The following CDH18 variants were observed in gnomAD, a reference collection of about 807,000 sequenced individuals.
CDH18 encodes cadherin 18.
Under a neutral mutation model 67.9 loss-of-function variants are expected in CDH18, and 31 were observed. The observed-to-expected ratio is 0.46, with a 90% confidence interval of 0.34 to 0.62. The LOEUF (loss-of-function observed/expected upper bound fraction) is 0.62, where lower values mean the gene tolerates loss of function less well. Ranked by LOEUF, CDH18 falls within the 20% of genes least tolerant of loss-of-function variation. The probability of loss-of-function intolerance (pLI) is 0.01; values close to 1 mark genes in which losing one functional copy is unlikely to be tolerated. For synonymous variants in CDH18, 362 were observed against 347.2 expected, an observed-to-expected ratio of 1.04 and a Z score of -0.48; for missense variants, 890 against 975.5, an observed-to-expected ratio of 0.91 and a Z score of 1.17.
chr5:20,144,662 T>C (rs556091472), intron 2 of CDH18, among the ~76,000 whole-genome samples: 8 of 152,108 alleles, frequency 5.3e-5, no homozygotes, highest in Non-Finnish European at 1.2e-4. Context: ...AGGGCATAAA[T>C]TGGGGGGAGT....
chr5:20,341,541 G>A (rs923113770), intron 1 of CDH18, among the ~76,000 whole-genome samples: 1 of 57,144 alleles, frequency 1.7e-5, no homozygotes, highest in Non-Finnish European at 3.6e-5. Context: ...ATATATTAGA[G>A]GGCATATATA....
At chr5:19,712,798 T>C (rs1192812212) in intron 5 of CDH18, among the ~76,000 whole-genome samples, 1 of 151,594 alleles carries the variant, frequency 6.6e-6, no homozygotes, top group African/African-American at 2.4e-5. Flanking sequence ...ATTCTAGTGC[T>C]TTCTAGATTT....
intron 2 of CDH18, among the ~76,000 whole-genome samples, chr5:20,249,293 C>A (rs558898349): frequency 6.6e-6 from 1 of 150,466 alleles, no homozygotes; most frequent in African/African-American, 2.4e-5. Context: ...ACATTCATTT[C>A]TTTTAAATAA....
At chr5:19,963,042 A>G (rs1422464780) in intron 2 of CDH18, among the ~76,000 whole-genome samples, 3 of 152,056 alleles carry the variant, frequency 2.0e-5, no homozygotes, top group Non-Finnish European at 4.4e-5. Flanking sequence ...TTGATCCATA[A>G]TCATTGCTAA....
At chr5:19,831,217 T>C (rs964643223) in intron 3 of CDH18, among the ~76,000 whole-genome samples, 1 of 152,060 alleles carries the variant, frequency 6.6e-6, no homozygotes, top group Admixed American at 6.6e-5. Context: ...GGCAAATAAT[T>C]TATGGCTAAG....
intron 1 of CDH18, among the ~76,000 whole-genome samples, chr5:20,515,526 C>T (rs1483379359): frequency 1.3e-5 from 2 of 151,966 alleles, no homozygotes; most frequent in Non-Finnish European, 2.9e-5. Flanking sequence ...CCTAGATACG[C>T]ATTTGTCTGC....
intron 1 of CDH18, among the ~76,000 whole-genome samples, chr5:20,417,558 C>G (rs1747417941): frequency 6.6e-6 from 1 of 152,058 alleles, no homozygotes; most frequent in South Asian, 2.1e-4. Flanking sequence ...TTTTGGTGTT[C>G]AAGTGTATGT....
intron 2 of CDH18, among the ~76,000 whole-genome samples, chr5:19,962,863 C>A: frequency 6.6e-6 from 1 of 152,092 alleles, no homozygotes; most frequent in Admixed American, 6.6e-5. Flanking sequence ...ATGCATAATT[C>A]ATTTAAGATG....
intron 2 of CDH18, among the ~76,000 whole-genome samples, chr5:20,181,329 T>C (rs1010032316): frequency 6.6e-6 from 1 of 152,102 alleles, no homozygotes; most frequent in East Asian, 1.9e-4. Flanking sequence ...TTAAAAGAAC[T>C]CCTCTTGGCA....
chr5:19,678,164 A>G (rs1278937655), intron 5 of CDH18, among the ~76,000 whole-genome samples: 1 of 151,782 alleles, frequency 6.6e-6, no homozygotes, highest in East Asian at 1.9e-4. Context: ...CCAAAACCAC[A>G]GAATATATAT....
intron 1 of CDH18, among the ~76,000 whole-genome samples, chr5:20,268,524 C>T (rs1394402727): frequency 6.6e-6 from 1 of 152,032 alleles, no homozygotes; most frequent in Non-Finnish European, 1.5e-5. Flanking sequence ...CCGCTTGAGC[C>T]CAGGAATTTG....
At chr5:19,739,017 C>T (rs936259013) in intron 4 of CDH18, among the ~76,000 whole-genome samples, 1 of 151,868 alleles carries the variant, frequency 6.6e-6, no homozygotes, top group Non-Finnish European at 1.5e-5. Flanking sequence ...GTTTATTGGG[C>T]CTTTCTTTAA....
intron 2 of CDH18, among the ~76,000 whole-genome samples, chr5:19,870,013 A>C (rs1786056367): frequency 6.6e-6 from 1 of 152,160 alleles, no homozygotes; most frequent in Non-Finnish European, 1.5e-5. Flanking sequence ...TTCTACCATT[A>C]AGCTCCAGTA....
chr5:19,577,253 A>C (rs1742471635), intron 7 of CDH18, among the ~76,000 whole-genome samples: 1 of 152,202 alleles, frequency 6.6e-6, no homozygotes, highest in Non-Finnish European at 1.5e-5. Flanking sequence ...AAATGTTCTC[A>C]CCACATGTAA....
At chr5:19,755,445 A>ATATATATATC (rs1312885757) in intron 3 of CDH18, among the ~76,000 whole-genome samples, 1 of 11,402 alleles carries the variant, frequency 8.8e-5, no homozygotes, top group African/African-American at 1.0e-4. Flanking sequence ...ATATATATAT[A>ATATATATATC]TATATATATA....
chr5:19,956,653 T>G (rs922886253), intron 2 of CDH18, among the ~76,000 whole-genome samples: 3 of 149,844 alleles, frequency 2.0e-5, no homozygotes, highest in Admixed American at 1.3e-4. Flanking sequence ...TAACAATATA[T>G]CTAACAAGTC....
intron 1 of CDH18, among the ~76,000 whole-genome samples, chr5:20,316,361 T>C (rs545117927): frequency 1.3e-5 from 2 of 152,214 alleles, no homozygotes; most frequent in East Asian, 3.9e-4. Flanking sequence ...TATTATCACA[T>C]AATATTTAAG....
At chr5:19,481,898 G>A (rs1347402128) in intron 12 of CDH18, among the ~76,000 whole-genome samples, 1 of 152,140 alleles carries the variant, frequency 6.6e-6, no homozygotes, top group East Asian at 1.9e-4. Context: ...GTCCCCACTT[G>A]ATGAAGCAGA....
chr5:20,211,504 C>T (rs1740352103), intron 2 of CDH18, among the ~76,000 whole-genome samples: 1 of 152,160 alleles, frequency 6.6e-6, no homozygotes, highest in South Asian at 2.1e-4. Flanking sequence ...TAGAGGCCAA[C>T]TGACACCTCA....
Sources: allele counts gnomAD v4.1 joint callset (sites outside exome capture counted in the v4.1 genomes callset), GRCh38; gene constraint gnomAD v4.1.1; transcripts MANE v1.5; gene names NCBI Gene and HGNC (gene_info 2026-07-23, HGNC 2026-07-21).